NDUFA7: variants seen among roughly 807,000 people sequenced by gnomAD.
The protein encoded by NDUFA7 is NADH:ubiquinone oxidoreductase subunit A7.
NDUFA7 carries 18 observed loss-of-function variants against 14.2 expected under a neutral mutation model. That is an observed-to-expected ratio of 1.27 (90% CI 0.88 to 1.88). NDUFA7 has a LOEUF of 1.88. Among genes scored for constraint, NDUFA7 ranks in the 40% most tolerant of loss-of-function variants. The pLI, the probability that NDUFA7 is intolerant of heterozygous loss-of-function variation, is 0.00. For missense variants in NDUFA7, 172 were observed against 147.3 expected (o/e 1.17, Z -0.87); for synonymous variants, 75 against 62.1 (o/e 1.21, Z -0.98).
chr19:8,316,688 C>T lies in NDUFA7; in HGVS notation c.102-43G>A, dbSNP rs746580634. ...GAGCACTGAAGCAAAGAGACAGTCA[C>T]TGTCATGGCCCCGCTGTGGGCCCCT... On this transcript the variant is annotated intron_variant, in intron 2 of 3. Coordinates refer to ENST00000301457, the MANE Select transcript of NDUFA7 (RefSeq NM_005001.5). 5 of 1,603,456 alleles carry T rather than the reference C, an allele frequency of 3.1e-6. No homozygotes were observed. In the Admixed American group the frequency reaches 8.4e-5, roughly 27 times the overall value.
chr19:8,308,680 G>A (rs1424775805), downstream of NDUFA7: 1 of 273,556 alleles, frequency 3.7e-6, no homozygotes, highest in Non-Finnish European at 6.9e-6. Flanking sequence ...CTTTTGTGGC[G>A]CCGACAGGTA....
At position 8,311,671 on chromosome 19, in the gene NDUFA7, C is replaced by T. The variant is rs1457963370; in HGVS notation, c.252-76G>A. 1.7e-5 allele frequency: 22 copies of T among 1,262,570 alleles called. No individual in the cohort carries two copies. The East Asian group carries it at 2.5e-4, about 14-fold the overall frequency. The allele number at this position is 1,262,570 out of a possible 1,614,324, so 78.2% of individuals were successfully genotyped here. On this transcript the variant is annotated intron_variant, in intron 3 of 3. Coordinates refer to ENST00000301457, the MANE Select transcript of NDUFA7 (RefSeq NM_005001.5). ...GATCTGAGGGAGCCCACACCTGCCC[C>T]GGGACAAACACACCCACAGGGACTT...
At chr19:8,318,441 C>T (rs1454738413) in intron 2 of NDUFA7, among the ~76,000 whole-genome samples, 1 of 151,792 alleles carries the variant, frequency 6.6e-6, no homozygotes, top group African/African-American at 2.4e-5. Context: ...AGCCACCATG[C>T]CCAGTCAGAG....
chr19:8,320,898 C>A lies in NDUFA7; in HGVS notation c.60G>T (p.Leu20=), dbSNP rs762114406. 1 of 1,613,782 alleles carries A rather than the reference C, an allele frequency of 6.2e-7. No individual in the cohort carries two copies. The highest frequency in any genetic ancestry group is 8.5e-7 in the Non-Finnish European group (1 of 1,180,010). The part of the protein sequence containing the change: ...RLRNWASGHD[L]QGKLQLRYQE... ...GGTAGCGTAGCTGCAGCTTCCCCTG[C>A]AGGTCATGCTGTGGGAAGAGGAGAG... The change falls in exon 2 of 4, where the codon CTG becomes CTT. Residue 20 remains leucine, a synonymous_variant. Coordinates refer to ENST00000301457, the MANE Select transcript of NDUFA7 (RefSeq NM_005001.5).
chr19:8,314,575 G>A (rs1363344530), intron 3 of NDUFA7, among the ~76,000 whole-genome samples: 1 of 151,872 alleles, frequency 6.6e-6, no homozygotes, highest in Non-Finnish European at 1.5e-5. Context: ...AGAACGGCCT[G>A]GGCAACAAAG....
In NDUFA7 at chr19:8,321,046, G is replaced by A. The variant is rs1367323093; in HGVS notation, c.52-140C>T. The A allele has an allele frequency of 3.0e-6, 3 of 1,006,404 alleles. No homozygotes were observed. The East Asian group carries it at 7.3e-5, about 25-fold the overall frequency. 62.3% of individuals were successfully genotyped at this position (1,006,404 alleles called of 1,614,324 possible). On this transcript the variant is annotated intron_variant, in intron 1 of 3. Transcript: ENST00000301457. ...TGAACACTCGGGGAAACGGATGTGG[G>A]TCCTGCAGGTGAAGAGCAAAGCCAG...
At chr19:8,321,236 A>G in intron 1 of NDUFA7, 72 bp downstream of exon 1, 6 of 1,442,064 alleles carry the variant, frequency 4.2e-6, no homozygotes, top group Non-Finnish European at 5.6e-6. Context: ...GAGGGAGGTG[A>G]GGAGCAGGAG....
At chr19:8,314,345 CATAATT>C (rs1970209796) in intron 3 of NDUFA7, among the ~76,000 whole-genome samples, 1 of 151,324 alleles carries the variant, frequency 6.6e-6, no homozygotes, top group African/African-American at 2.5e-5. Context: ...AATAAGAATT[CATAATT>C]ATATCAACAG....
chr19:8,308,732 C>T, downstream of NDUFA7: 1 of 229,346 alleles, frequency 4.4e-6, no homozygotes, highest in Non-Finnish European at 8.6e-6. Context: ...TCCGAGTCCC[C>T]ATAGAATGCT....
In NDUFA7 at chr19:8,321,337, T is replaced by C. The variant is rs753624288; in HGVS notation, c.22A>G (p.Ile8Val). 4 of 1,580,040 alleles carry C rather than the reference T, an allele frequency of 2.5e-6. No individual in the cohort carries two copies. Among genetic ancestry groups the C allele is most frequent in the East Asian group, 2.3e-5 (1 of 43,362 alleles). ...GACGCCCAGTTCCGCAGCCGCTGGA[T>C]GAGACGGGTGGCGGACGCCATCTTC... is the stretch of plus-strand genomic sequence containing the variant. Reference protein sequence around the residue: MASATRLIQRLRNWASGH... With the variant: MASATRLVQRLRNWASGH... Residue 8 changes from isoleucine to valine, a missense_variant, in exon 1 of 4, where the codon ATC (isoleucine) becomes GTC (valine). By Grantham distance (29) the Ile-to-Val change is conservative. Coordinates refer to ENST00000301457, the MANE Select transcript of NDUFA7 (RefSeq NM_005001.5).
chr19:8,316,010 T>A (rs1970228281), intron 3 of NDUFA7, among the ~76,000 whole-genome samples: 1 of 151,648 alleles, frequency 6.6e-6, no homozygotes, highest in Non-Finnish European at 1.5e-5. Flanking sequence ...ATTAGCTGGG[T>A]GTAGTGGTGG....
At chr19:8,316,676 A>G (rs1397367103) in intron 2 of NDUFA7, 31 bp from the exon 3 acceptor site, 2 of 1,610,658 alleles carry the variant, frequency 1.2e-6, no homozygotes, top group South Asian at 1.1e-5. Context: ...CACTGAAGCA[A>G]AGAGACAGTC....
In NDUFA7 at chr19:8,311,504, G is replaced by C. The variant is rs1174259796; in HGVS notation, c.*1C>G. On this transcript the variant is annotated 3_prime_UTR_variant, in exon 4 of 4. Transcript: ENST00000301457. Reference sequence around the variant, plus strand: ...AGTCGGGTGGCCGTGAGGGTGCAGTGTCACAGGTAAGGCTGGTCCGAGGAC... The same window carrying C: ...AGTCGGGTGGCCGTGAGGGTGCAGTCTCACAGGTAAGGCTGGTCCGAGGAC... 6.2e-7 allele frequency: 1 copy of C among 1,603,876 alleles called. No individual in the cohort carries two copies. The highest frequency in any genetic ancestry group is 1.3e-5 in the African/African-American group (1 of 74,614).
chr19:8,321,324 C>T lies in NDUFA7; in HGVS notation c.35G>A (p.Arg12Gln). 6.3e-7 allele frequency: 1 copy of T among 1,579,114 alleles called. No individual in the cohort carries two copies. Among genetic ancestry groups the T allele is most frequent in the South Asian group, 1.2e-5 (1 of 86,754 alleles). ...CCCGCGCACCCCGGACGCCCAGTTCCGCAGCCGCTGGATGAGACGGGTGGC... is the reference window on the plus strand; with the variant it reads ...CCCGCGCACCCCGGACGCCCAGTTCTGCAGCCGCTGGATGAGACGGGTGGC... ...ASATRLIQRL[R>Q]NWASGHDLQG... Residue 12 changes from arginine (R) to glutamine (Q), a missense_variant, in exon 1 of 4, where the codon CGG becomes CAG. Physicochemically the swap from Arg to Gln is conservative, Grantham distance 43. Transcript: ENST00000301457.
At chr19:8,318,174 G>A (rs969305862) in intron 2 of NDUFA7, among the ~76,000 whole-genome samples, 1 of 151,184 alleles carries the variant, frequency 6.6e-6, no homozygotes, top group South Asian at 2.1e-4. Flanking sequence ...TTTTTGAGAT[G>A]GAGTCTCGCT....
downstream of NDUFA7, among the ~76,000 whole-genome samples, chr19:8,309,144 G>A (rs951689262): frequency 2.0e-5 from 3 of 151,756 alleles, no homozygotes; most frequent in Non-Finnish European, 4.4e-5. Context: ...ATCACTTGGG[G>A]CTGCACTCCA....
chr19:8,321,030 G>A (rs1362045345), intron 1 of NDUFA7, 124 bp from the exon 2 acceptor site: 3 of 1,142,804 alleles, frequency 2.6e-6, no homozygotes, highest in African/African-American at 3.1e-5. Flanking sequence ...ATGAACACTC[G>A]GGGAAACGGA....
At chr19:8,309,828 C>T (rs1323876036), downstream of NDUFA7, among the ~76,000 whole-genome samples, 1 of 152,126 alleles carries the variant, frequency 6.6e-6, no homozygotes, top group Non-Finnish European at 1.5e-5. Context: ...CACTCCCCTG[C>T]GTAGGGTCAC....
chr19:8,316,237 A>G (rs1970232162), intron 3 of NDUFA7, among the ~76,000 whole-genome samples: 1 of 150,938 alleles, frequency 6.6e-6, no homozygotes. Context: ...GGAGGGGAGG[A>G]TCACTTCAGC....
Sources: allele counts gnomAD v4.1 joint callset (sites outside exome capture counted in the v4.1 genomes callset), GRCh38; gene constraint gnomAD v4.1.1; transcripts MANE v1.5; gene names NCBI Gene and HGNC (gene_info 2026-07-23, HGNC 2026-07-21).